The following FAM83F variants were observed in gnomAD, a reference collection of about 807,000 sequenced individuals.
FAM83F encodes scaffolding CK1 anchoring protein F, also known as protein FAM83F.
In FAM83F, 45 loss-of-function variants were observed where a neutral mutation model predicts 42.9. That is an observed-to-expected ratio of 1.05 (90% CI 0.83 to 1.35). The LOEUF (loss-of-function observed/expected upper bound fraction) is 1.35, where lower values mean the gene tolerates loss of function less well. FAM83F is among the 40% of genes most tolerant of loss of function. The probability of loss-of-function intolerance (pLI) is 0.00; values close to 1 mark genes in which losing one functional copy is unlikely to be tolerated. For missense variants in FAM83F, 617 were observed against 695.9 expected, an observed-to-expected ratio of 0.89 and a Z score of 1.28; for synonymous variants, 306 against 298.3, an observed-to-expected ratio of 1.03 and a Z score of -0.27.
chr22:40,003,881 G>T (rs907825008), intron 1 of FAM83F, among the ~76,000 whole-genome samples: 2 of 152,284 alleles, frequency 1.3e-5, no homozygotes, highest in East Asian at 3.9e-4. Flanking sequence ...GCATGTGGGA[G>T]GCTCCGGATA....
At chr22:40,007,627 C>G (rs1340223528) in intron 1 of FAM83F, among the ~76,000 whole-genome samples, 1 of 114,220 alleles carries the variant, frequency 8.8e-6, no homozygotes, top group Non-Finnish European at 1.8e-5. Flanking sequence ...TCTTCCTCCT[C>G]TCCTCTCCTC....
intron 1 of FAM83F, among the ~76,000 whole-genome samples, chr22:39,997,343 G>T (rs1352831390): frequency 2.0e-5 from 3 of 152,222 alleles, no homozygotes; most frequent in Admixed American, 6.5e-5. Flanking sequence ...TCCCATGTGG[G>T]ATGACAGGAC....
chr22:40,038,347 A>G lies in FAM83F; in HGVS notation c.*8782A>G, dbSNP rs1405958135. The G allele has an allele frequency of 1.3e-5, 2 of 152,272 alleles. No individual in the cohort carries two copies. The highest frequency in any genetic ancestry group is 3.8e-4 in the East Asian group (2 of 5,206). 9.4% of individuals were successfully genotyped at this position (152,272 alleles called of 1,614,324 possible). On this transcript the variant is annotated 3_prime_UTR_variant, in exon 5 of 5. Transcript: ENST00000333407. ...TTCCAGGGAAAGGTCCAGAGCCTAGACAGAACTCTTTTAGGAGAATTATGA... is the reference window on the plus strand; with the variant it reads ...TTCCAGGGAAAGGTCCAGAGCCTAGGCAGAACTCTTTTAGGAGAATTATGA...
chr22:40,021,595 C>T lies in FAM83F; in HGVS notation c.1085C>T (p.Ala362Val). The T allele has an allele frequency of 1.4e-5, 22 of 1,577,260 alleles. No individual in the cohort carries two copies. Among genetic ancestry groups the T allele is most frequent in the Non-Finnish European group, 1.9e-5 (22 of 1,156,726 alleles). The change falls in exon 4 of 5, where the codon GCC (alanine) becomes GTC (valine). Residue 362 changes from alanine to valine, a missense_variant. By Grantham distance (64) the Ala-to-Val change is moderately conservative (BLOSUM62 0). Coordinates refer to ENST00000333407, the MANE Select transcript of FAM83F (RefSeq NM_138435.4). This position sits in a 1 kb window ranked among gnomAD's most constrained non-coding sequence, Gnocchi z 8.7. ...AACCCGGAGGGGCAGGAGGAGGGCG[C>T]CAGCGGTGGCGAGTCGGCCTGGCGC... The part of the protein sequence containing the change: ...GGNPEGQEEG[A>V]SGGESAWRLE...
Position 40,033,533 on chromosome 22 carries a change from G to C in FAM83F, c.*3968G>C, listed in dbSNP as rs2067602391. The C allele has an allele frequency of 6.6e-6, 1 of 152,338 alleles. No individual in the cohort carries two copies. Among genetic ancestry groups the C allele is most frequent in the South Asian group, 2.1e-4 (1 of 4,836 alleles). 9.4% of individuals were successfully genotyped at this position (152,338 alleles called of 1,614,324 possible). On this transcript the variant is annotated 3_prime_UTR_variant, in exon 5 of 5. Transcript: ENST00000333407. ...CTTTGGAGCTGCAGAATCCTCTGTT[G>C]GGGATGGGGCTGCCCTGTGCATTAT... is the stretch of plus-strand genomic sequence containing the variant.
intron 4 of FAM83F, 81 bp from the exon 5 acceptor site, chr22:40,029,435 G>C: frequency 3.9e-6 from 6 of 1,528,788 alleles, no homozygotes; most frequent in Non-Finnish European, 5.3e-6. Context: ...GATGTGGACA[G>C]CACACAGGGT....
At chr22:40,027,512 C>CCA (rs976881688) in intron 4 of FAM83F, among the ~76,000 whole-genome samples, 11 of 152,304 alleles carry the variant, frequency 7.2e-5, no homozygotes, top group African/African-American at 2.6e-4. Context: ...AGCTCCCAGG[C>CCA]CACGCATACT....
intron 2 of FAM83F, 109 bp downstream of exon 2, chr22:40,019,444 A>G: frequency 1.0e-6 from 1 of 1,003,042 alleles, no homozygotes; most frequent in Non-Finnish European, 1.5e-6. Flanking sequence ...GCTCAGGCGA[A>G]CTTCAAGATC....
At position 40,021,905 on chromosome 22, in the gene FAM83F, T is replaced by C. The variant is rs1015529957; in HGVS notation, c.1395T>C (p.Ser465=). The C allele has an allele frequency of 6.9e-6, 11 of 1,589,432 alleles. No individual in the cohort carries two copies. Among genetic ancestry groups the C allele is most frequent in the South Asian group, 1.1e-5 (1 of 90,456 alleles). Reference sequence around the variant, plus strand: ...CCAGCTCTGTCTCCACCGAGACCTCTGAAGTGGAGTTTCTGACGGGGAAGA... The same window carrying C: ...CCAGCTCTGTCTCCACCGAGACCTCCGAAGTGGAGTTTCTGACGGGGAAGA... ...GMASSVSTET[S]EVEFLTGKRP... The change falls in exon 4 of 5, where the codon TCT becomes TCC. Residue 465 remains serine (S), a synonymous_variant. Coordinates refer to ENST00000333407, the MANE Select transcript of FAM83F (RefSeq NM_138435.4). The surrounding 1 kb of genome is among the most constrained non-coding windows in gnomAD (Gnocchi z 8.7).
intron 1 of FAM83F, among the ~76,000 whole-genome samples, chr22:40,005,611 A>G (rs999166877): frequency 8.5e-5 from 13 of 152,082 alleles, no homozygotes; most frequent in Admixed American, 4.6e-4. Flanking sequence ...TTGTACATAC[A>G]CCCTCCTTCA....
At chr22:40,016,065 T>TG (rs1285159622) in intron 1 of FAM83F, among the ~76,000 whole-genome samples, 1 of 152,094 alleles carries the variant, frequency 6.6e-6, no homozygotes, top group Non-Finnish European at 1.5e-5. Flanking sequence ...CAGGTTTCCT[T>TG]GGGGAGGTTC....
At chr22:40,012,020 A>G (rs780055789) in intron 1 of FAM83F, among the ~76,000 whole-genome samples, 2 of 152,092 alleles carry the variant, frequency 1.3e-5, no homozygotes, top group African/African-American at 4.8e-5. Flanking sequence ...CCACCTACCA[A>G]TATTTTGGAT....
At chr22:40,013,374 T>C (rs980680050) in intron 1 of FAM83F, among the ~76,000 whole-genome samples, 2 of 152,204 alleles carry the variant, frequency 1.3e-5, no homozygotes, top group Admixed American at 6.5e-5. Flanking sequence ...GCATTTTTTT[T>C]CTCCACTGAG....
rs1382697891 is a variant in FAM83F, at chr22:39,995,016, C to T, written c.-27C>T. ...CCTCGGACCGCGGCGGGGCCGGGGC[C>T]AGGGCCGGGGCCGGGGCCGGGGCGC... On this transcript the variant is annotated 5_prime_UTR_variant, in exon 1 of 5. Transcript: ENST00000333407. The surrounding 1 kb of genome is among the most constrained non-coding windows in gnomAD (Gnocchi z 4.6). The T allele has an allele frequency of 5.3e-5, 66 of 1,251,278 alleles. No individual in the cohort carries two copies. Among genetic ancestry groups the T allele is most frequent in the Admixed American group, 1.7e-4 (4 of 23,376 alleles). The allele number at this position is 1,251,278 out of a possible 1,614,324, so 77.5% of individuals were successfully genotyped here. A position where few individuals can be genotyped will look rare whatever the true frequency, so the allele number is the denominator to read the frequency against.
rs925153013 is a variant in FAM83F at position 40,035,489 on chromosome 22, G to C, written c.*5924G>C. 5 of 152,210 alleles carry C rather than the reference G, an allele frequency of 3.3e-5. No homozygotes were observed. In the East Asian group the frequency reaches 9.6e-4, roughly 29 times the overall value. The allele number at this position is 152,210 out of a possible 1,614,324, so 9.4% of individuals were successfully genotyped here. On this transcript the variant is annotated 3_prime_UTR_variant, in exon 5 of 5. Transcript: ENST00000333407. ...TAGGCGACTGCACAGGGAAAGGTTCGCTGCAGTGCTTGCAGGCCTGCACCC... is the reference window on the plus strand; with the variant it reads ...TAGGCGACTGCACAGGGAAAGGTTCCCTGCAGTGCTTGCAGGCCTGCACCC...
intron 1 of FAM83F, among the ~76,000 whole-genome samples, chr22:40,010,804 A>C (rs2067458942): frequency 6.6e-6 from 1 of 152,232 alleles, no homozygotes; most frequent in African/African-American, 2.4e-5. Context: ...ATCAAGTATC[A>C]GAGCCCTGGA....
At chr22:40,011,275 T>C (rs1400407267) in intron 1 of FAM83F, among the ~76,000 whole-genome samples, 3 of 152,148 alleles carry the variant, frequency 2.0e-5, no homozygotes, top group Non-Finnish European at 4.4e-5. Flanking sequence ...CACTGCAACC[T>C]CCACCTCCCG....
intron 1 of FAM83F, among the ~76,000 whole-genome samples, chr22:40,018,869 G>A (rs765161289): frequency 3.1e-4 from 47 of 152,292 alleles, no homozygotes; most frequent in African/African-American, 1.1e-3. Context: ...GATTACAGGT[G>A]TGAGCCACCT....
intron 1 of FAM83F, among the ~76,000 whole-genome samples, chr22:40,007,110 C>G (rs1005590612): frequency 1.3e-5 from 2 of 151,710 alleles, no homozygotes; most frequent in African/African-American, 4.8e-5. Flanking sequence ...AGTACACTTC[C>G]GTACTGTTGG....
Sources: allele counts gnomAD v4.1 joint callset (sites outside exome capture counted in the v4.1 genomes callset), GRCh38; gene constraint gnomAD v4.1.1; non-coding constraint Gnocchi (gnomAD v3.1); transcripts MANE v1.5; gene names NCBI Gene and HGNC (gene_info 2026-07-23, HGNC 2026-07-21).